Variants in SEC62 observed in about 807,000 individuals in gnomAD.
The protein encoded by SEC62 is SEC62 preprotein translocation factor.
Under a neutral mutation model 47.5 loss-of-function variants are expected in SEC62, and 10 were observed. The observed-to-expected ratio is 0.21, with a 90% confidence interval of 0.13 to 0.36. The LOEUF (loss-of-function observed/expected upper bound fraction) is 0.36, where lower values mean the gene tolerates loss of function less well. SEC62 is among the 10% of genes least tolerant of loss of function. SEC62 has a pLI of 1.00. For missense variants in SEC62, 327 were observed against 464.1 expected, an observed-to-expected ratio of 0.70 and a Z score of 2.71; for synonymous variants, 136 against 150.5, an observed-to-expected ratio of 0.90 and a Z score of 0.71.
intron 5 of SEC62, among the ~76,000 whole-genome samples, chr3:169,984,225 A>G (rs1353580083): frequency 6.6e-6 from 1 of 152,212 alleles, no homozygotes; most frequent in African/African-American, 2.4e-5. Context: ...TATATCTATA[A>G]TAAAGTGTCC....
chr3:169,982,871 AAG>A lies in SEC62; in HGVS notation c.420_421del (p.Lys143ArgfsTer3). 1 of 1,564,286 alleles carries A rather than the reference AAG, an allele frequency of 6.4e-7. No homozygotes were observed. The highest frequency in any genetic ancestry group is 8.6e-7 in the Non-Finnish European group (1 of 1,165,416). Reference sequence around the variant, plus strand: ...AAGGATGAGAAGACAAAAAAAGAAAAAGAGAAAAAAAAAGATGGTGAAAAGGA... The same window carrying A: ...AAGGATGAGAAGACAAAAAAAGAAAAAGAAAAAAAAAGATGGTGAAAAGGA... On this transcript the variant is annotated frameshift_variant, in exon 4 of 8. Transcript: ENST00000337002. LOFTEE classifies it high-confidence loss of function.
At chr3:169,983,519 G>A in intron 5 of SEC62, 1 of 243,260 alleles carries the variant, frequency 4.1e-6, no homozygotes, top group Non-Finnish European at 8.0e-6. Flanking sequence ...GAAATCTGTA[G>A]GTAAGCTGTA....
chr3:169,983,013 G>C, intron 4 of SEC62, 102 bp downstream of exon 4: 1 of 1,488,710 alleles, frequency 6.7e-7, no homozygotes, highest in Admixed American at 2.3e-5. Context: ...ACCTACCTGA[G>C]ATAACTATAT....
intron 3 of SEC62, among the ~76,000 whole-genome samples, chr3:169,980,016 G>A (rs1237535920): frequency 6.6e-6 from 1 of 151,964 alleles, no homozygotes; most frequent in East Asian, 1.9e-4. Flanking sequence ...AAATACAGAA[G>A]TAATTTTTTA....
At chr3:169,991,290 CTCACAACTGCGA>C (rs751302940) in intron 7 of SEC62, among the ~76,000 whole-genome samples, 4 of 152,094 alleles carry the variant, frequency 2.6e-5, no homozygotes, top group Non-Finnish European at 1.5e-5. Context: ...GGTTCAGTGA[CTCACAACTGCGA>C]TCCCAACTAC....
intron 3 of SEC62, 100 bp downstream of exon 3, chr3:169,977,151 A>C: frequency 1.5e-6 from 1 of 684,264 alleles, no homozygotes. Context: ...ACTACAACAT[A>C]ACTCAAATAC....
At chr3:169,970,438 A>C (rs945066701) in intron 1 of SEC62, among the ~76,000 whole-genome samples, 42 of 152,262 alleles carry the variant, frequency 2.8e-4, no homozygotes, top group Middle Eastern at 3.4e-3. Flanking sequence ...CTGTATCACA[A>C]ATTCTGTAAG....
chr3:169,972,099 C>T (rs1057324794), intron 1 of SEC62, among the ~76,000 whole-genome samples: 1 of 152,142 alleles, frequency 6.6e-6, no homozygotes, highest in Non-Finnish European at 1.5e-5. Context: ...CATTTCCCTG[C>T]CTTATGCATT....
chr3:169,969,539 A>C (rs1714643958), intron 1 of SEC62, among the ~76,000 whole-genome samples: 1 of 152,172 alleles, frequency 6.6e-6, no homozygotes, highest in African/African-American at 2.4e-5. Flanking sequence ...TTCAGTCTTA[A>C]CATGAAAGCA....
chr3:169,982,143 C>CTT (rs895890468), intron 3 of SEC62, among the ~76,000 whole-genome samples: 7 of 152,112 alleles, frequency 4.6e-5, no homozygotes, highest in African/African-American at 1.7e-4. Flanking sequence ...TGTGCACGTC[C>CTT]TTTTCAGAGT....
intron 7 of SEC62, among the ~76,000 whole-genome samples, chr3:169,991,153 A>G (rs919173951): frequency 1.1e-4 from 16 of 152,230 alleles, no homozygotes; most frequent in African/African-American, 3.9e-4. Context: ...ACAGTGTTAT[A>G]AAAGAGTAAA....
chr3:169,986,214 T>C (rs1351653226), intron 6 of SEC62, among the ~76,000 whole-genome samples: 1 of 152,122 alleles, frequency 6.6e-6, no homozygotes, highest in African/African-American at 2.4e-5. Flanking sequence ...TAGAAAAAAA[T>C]CAGCTCTCTC....
intron 2 of SEC62, among the ~76,000 whole-genome samples, chr3:169,976,172 G>C (rs1227468332): frequency 2.0e-5 from 3 of 152,134 alleles, no homozygotes; most frequent in African/African-American, 7.2e-5. Context: ...CAAGGCAGGA[G>C]GGTTGCTTGA....
chr3:169,969,703 C>G (rs887798382), intron 1 of SEC62, among the ~76,000 whole-genome samples: 7 of 150,848 alleles, frequency 4.6e-5, no homozygotes, highest in African/African-American at 1.7e-4. Context: ...ACTGAATACT[C>G]TTTCTGTCTC....
intron 6 of SEC62, among the ~76,000 whole-genome samples, chr3:169,987,105 A>G (rs943961029): frequency 6.6e-6 from 1 of 152,092 alleles, no homozygotes; most frequent in Admixed American, 6.6e-5. Context: ...AAGCTTGGTC[A>G]ATATGGTATG....
At chr3:169,967,431 T>C (rs979723978) in intron 1 of SEC62, among the ~76,000 whole-genome samples, 18 of 152,202 alleles carry the variant, frequency 1.2e-4, no homozygotes, top group African/African-American at 4.1e-4. Context: ...GTTGCCCTTC[T>C]TTCCCTTCAA....
chr3:169,985,514 T>C (rs1232531229), intron 5 of SEC62: 3 of 210,752 alleles, frequency 1.4e-5, no homozygotes, highest in Non-Finnish European at 2.8e-5. Context: ...GTGCTGGGAT[T>C]ATAGGCGTGA....
rs1715391682 is a variant in SEC62 at position 169,996,938 on chromosome 3, G to A, written c.*3875G>A. On this transcript the variant is annotated 3_prime_UTR_variant, in exon 8 of 8. Transcript: ENST00000337002. ...ACCAATACCAAGGAGAAATTCCTAG[G>A]GAACAAAAATTCCAATGAGGAATTG... The A allele has an allele frequency of 6.6e-6, 1 of 152,084 alleles. No homozygotes were observed. The highest frequency in any genetic ancestry group is 2.1e-4 in the South Asian group (1 of 4,824). The allele number at this position is 152,084 out of a possible 1,614,324, so 9.4% of individuals were successfully genotyped here.
intron 1 of SEC62, among the ~76,000 whole-genome samples, chr3:169,971,444 T>C (rs147810967): frequency 3.3e-4 from 51 of 152,340 alleles, no homozygotes; most frequent in African/African-American, 1.2e-3. Context: ...ATTATATTGT[T>C]GCATTGAAGG....
Sources: allele counts gnomAD v4.1 joint callset (sites outside exome capture counted in the v4.1 genomes callset), GRCh38; gene constraint gnomAD v4.1.1; transcripts MANE v1.5; gene names NCBI Gene and HGNC (gene_info 2026-07-23, HGNC 2026-07-21).